Variants in ZC3H7A observed in about 807,000 individuals in gnomAD.
The protein encoded by ZC3H7A is zinc finger CCCH domain-containing protein 7A.
Under a neutral mutation model 125.5 loss-of-function variants are expected in ZC3H7A, and 44 were observed. The observed-to-expected ratio is 0.35, with a 90% confidence interval of 0.28 to 0.45. The LOEUF is 0.45. ZC3H7A is among the 20% of genes least tolerant of loss of function. The probability of loss-of-function intolerance (pLI) is 1.00; values close to 1 mark genes in which losing one functional copy is unlikely to be tolerated. For synonymous variants in ZC3H7A, 399 were observed against 391.2 expected (o/e 1.02, Z -0.23); for missense variants, 977 against 1,170.7 (o/e 0.83, Z 2.41).
intron 18 of ZC3H7A, 37 bp from the exon 19 acceptor site, chr16:11,761,548 A>G: frequency 6.2e-7 from 1 of 1,607,612 alleles, no homozygotes; most frequent in Non-Finnish European, 8.5e-7. Flanking sequence ...ACAAAGACAC[A>G]CGAGCAAAAG....
chr16:11,753,062 G>C (rs1309322428), intron 21 of ZC3H7A: 1 of 486,562 alleles, frequency 2.1e-6, no homozygotes, highest in African/African-American at 2.0e-5. Context: ...AGAGGCAATA[G>C]GAGCTGGTAT....
intron 8 of ZC3H7A, 57 bp from the exon 9 acceptor site, chr16:11,774,576 C>T (rs1235773958): frequency 1.4e-6 from 2 of 1,441,070 alleles, no homozygotes; most frequent in Admixed American, 5.0e-5. Flanking sequence ...ATAATAATAC[C>T]ATTAATCCCC....
intron 19 of ZC3H7A, chr16:11,759,527 C>T (rs1371443863): frequency 6.6e-6 from 1 of 152,108 alleles, no homozygotes; most frequent in Non-Finnish European, 1.5e-5. Context: ...TATTCTTTCC[C>T]CCGTCAAACC....
intron 1 of ZC3H7A, among the ~76,000 whole-genome samples, chr16:11,794,577 GTT>G (rs887164863): frequency 6.6e-5 from 10 of 152,230 alleles, no homozygotes; most frequent in Admixed American, 2.0e-4. Flanking sequence ...ACTTCCAGAC[GTT>G]ATCCAGAAGA....
intron 1 of ZC3H7A, 115 bp downstream of exon 1, chr16:11,797,009 C>T (rs2053450403): frequency 6.8e-6 from 1 of 147,924 alleles, no homozygotes; most frequent in Admixed American, 6.7e-5. Context: ...TCCCCCGCCC[C>T]GCCCGCCGTC....
Position 11,791,951 on chromosome 16 carries a change from G to T in ZC3H7A, c.-35+5173C>A, listed in dbSNP as rs981578470. ...CTTTGAGACAGTGTCTCCCTGTGTT[G>T]CCCAGGCTGCAGTACAGTGGCACAA... On this transcript the variant is annotated intron_variant, in intron 1 of 22. Transcript: ENST00000355758. Among the ~76,000 whole-genome samples, 12 of 152,260 alleles carry T rather than the reference G, an allele frequency of 7.9e-5. No individual in the cohort carries two copies. In the East Asian group the frequency reaches 1.5e-3, roughly 20 times the overall value.
At position 11,765,449 on chromosome 16, in the gene ZC3H7A, A is replaced by G; in HGVS notation, c.1719+40T>C. On this transcript the variant is annotated intron_variant, in intron 14 of 22. Coordinates refer to ENST00000355758, the MANE Select transcript of ZC3H7A (RefSeq NM_014153.4). The surrounding 1 kb of genome is among the most constrained non-coding windows in gnomAD (Gnocchi z 4.8). ...CAGGACAATACCACTGGGCTTGCAAATTCAACTTTACAGTGGAAAATAAGT... is the reference window on the plus strand; with the variant it reads ...CAGGACAATACCACTGGGCTTGCAAGTTCAACTTTACAGTGGAAAATAAGT... 6.4e-7 allele frequency: 1 copy of G among 1,554,488 alleles called. No individual in the cohort carries two copies. Among genetic ancestry groups the G allele is most frequent in the South Asian group, 1.2e-5 (1 of 83,546 alleles).
intron 18 of ZC3H7A, 38 bp from the exon 19 acceptor site, chr16:11,761,549 C>T (rs370742014): frequency 2.2e-5 from 35 of 1,604,836 alleles, no homozygotes; most frequent in African/African-American, 9.4e-5. Flanking sequence ...CAAAGACACA[C>T]GAGCAAAAGA....
chr16:11,788,121 C>T (rs1468307373), intron 1 of ZC3H7A, among the ~76,000 whole-genome samples: 1 of 152,174 alleles, frequency 6.6e-6, no homozygotes, highest in African/African-American at 2.4e-5. Context: ...GTTAACCCAA[C>T]AGTCTCTTTT....
rs530349840 is a variant in ZC3H7A at position 11,752,888 on chromosome 16, C to G, written c.2563-56G>C. On this transcript the variant is annotated intron_variant, in intron 21 of 22. Coordinates refer to ENST00000355758, the MANE Select transcript of ZC3H7A (RefSeq NM_014153.4). ...AGTCACCTGATGTGAGATCCAGACT[C>G]AATTCCAGGGAGCCCAGGCTGGTGG... The G allele has an allele frequency of 3.3e-4, 525 of 1,570,426 alleles. 6 individuals are homozygous for G. The South Asian group carries it at 5.7e-3, about 17-fold the overall frequency.
Position 11,765,021 on chromosome 16 carries a change from G to A in ZC3H7A, c.1820+32C>T, listed in dbSNP as rs1191621519. ...CAGATCTAGAAAAAGAATCTATTTT[G>A]TCATTACAGAAATTAGAAACTATCA... On this transcript the variant is annotated intron_variant, in intron 15 of 22. Coordinates refer to ENST00000355758, the MANE Select transcript of ZC3H7A (RefSeq NM_014153.4). The surrounding 1 kb of genome is among the most constrained non-coding windows in gnomAD (Gnocchi z 4.8). 7.1e-7 allele frequency: 1 copy of A among 1,398,800 alleles called. No homozygotes were observed. The highest frequency in any genetic ancestry group is 9.8e-7 in the Non-Finnish European group (1 of 1,015,508). 86.6% of individuals were successfully genotyped at this position (1,398,800 alleles called of 1,614,324 possible). A position where few individuals can be genotyped will look rare whatever the true frequency, so the allele number is the denominator to read the frequency against.
intron 1 of ZC3H7A, among the ~76,000 whole-genome samples, chr16:11,788,437 C>T (rs2053292690): frequency 6.6e-6 from 1 of 152,180 alleles, no homozygotes. Flanking sequence ...ATTTGAATTT[C>T]TCACAGACAT....
intron 4 of ZC3H7A, 60 bp downstream of exon 4, chr16:11,779,106 C>T: frequency 1.5e-6 from 2 of 1,347,450 alleles, no homozygotes; most frequent in Non-Finnish European, 2.1e-6. Flanking sequence ...TATTAATGTA[C>T]TAAGTCATTG....
intron 13 of ZC3H7A, among the ~76,000 whole-genome samples, chr16:11,766,597 A>T (rs2052862448): frequency 6.6e-6 from 1 of 151,170 alleles, no homozygotes. Context: ...ATAAAATAAA[A>T]CCTTGGCCAG....
chr16:11,788,866 C>T (rs1318375387), intron 1 of ZC3H7A, among the ~76,000 whole-genome samples: 2 of 152,148 alleles, frequency 1.3e-5, no homozygotes, highest in Non-Finnish European at 2.9e-5. Context: ...CCTGCCTCAG[C>T]CTCCCAAAGT....
At chr16:11,779,416 T>G in intron 3 of ZC3H7A, 53 bp from the exon 4 acceptor site, 1 of 1,513,030 alleles carries the variant, frequency 6.6e-7, no homozygotes, top group African/African-American at 1.4e-5. Context: ...AGATATGGTA[T>G]AAGTAAATTT....
At chr16:11,761,291 A>G (rs1567375446) in intron 19 of ZC3H7A, 115 bp downstream of exon 19, 3 of 992,892 alleles carry the variant, frequency 3.0e-6, no homozygotes, top group African/African-American at 3.2e-5. Context: ...TTTAAATAGC[A>G]TTATTACTGA....
At chr16:11,763,091 G>A (rs570326560) in intron 16 of ZC3H7A, 1 of 269,200 alleles carries the variant, frequency 3.7e-6, no homozygotes, top group Non-Finnish European at 7.0e-6. Context: ...ATGGAGAAGG[G>A]GAGGTCTCCA....
intron 13 of ZC3H7A, among the ~76,000 whole-genome samples, chr16:11,766,873 A>G (rs2052868436): frequency 1.3e-5 from 2 of 152,170 alleles, no homozygotes. Flanking sequence ...ACAGAATGAG[A>G]CTCTGTCTCA....
Sources: allele counts gnomAD v4.1 joint callset (sites outside exome capture counted in the v4.1 genomes callset), GRCh38; gene constraint gnomAD v4.1.1; non-coding constraint Gnocchi (gnomAD v3.1); transcripts MANE v1.5; gene names NCBI Gene and HGNC (gene_info 2026-07-23, HGNC 2026-07-21).